Variants in GON4L observed in about 807,000 individuals in gnomAD.
The protein encoded by GON4L is gon-4 like.
GON4L carries 87 observed loss-of-function variants against 211.8 expected under a neutral mutation model. The observed-to-expected ratio is 0.41, with a 90% confidence interval of 0.35 to 0.49. The LOEUF (loss-of-function observed/expected upper bound fraction) is 0.49, where lower values mean the gene tolerates loss of function less well. Ranked by LOEUF, GON4L falls within the 20% of genes least tolerant of loss-of-function variation. The probability of loss-of-function intolerance (pLI) is 0.15; values close to 1 mark genes in which losing one functional copy is unlikely to be tolerated. For synonymous variants in GON4L, 875 were observed against 962.6 expected, an observed-to-expected ratio of 0.91 and a Z score of 1.68; for missense variants, 2,155 against 2,659.5, an observed-to-expected ratio of 0.81 and a Z score of 4.17.
intron 2 of GON4L, among the ~76,000 whole-genome samples, chr1:155,841,452 C>T (rs959705669): frequency 6.6e-5 from 10 of 152,274 alleles, no homozygotes; most frequent in African/African-American, 2.4e-4. Context: ...GCCAAGATTA[C>T]AATAGCTCAA....
At chr1:155,846,494 G>C (rs1376125394) in intron 2 of GON4L, 1 of 140,566 alleles carries the variant, frequency 7.1e-6, no homozygotes, top group Non-Finnish European at 1.5e-5. Flanking sequence ...CTGCACTCCA[G>C]CCTGGGTGAC....
rs757583783 is a variant in GON4L, at chr1:155,773,209, C to A, written c.2352G>T (p.Ala784=). 1 of 1,613,948 alleles carries A rather than the reference C, an allele frequency of 6.2e-7. No homozygotes were observed. Among genetic ancestry groups the A allele is most frequent in the Non-Finnish European group, 8.5e-7 (1 of 1,179,934 alleles). The change falls in exon 18 of 32, where the codon GCG becomes GCT. Residue 784 remains alanine, a splice_region_variant and synonymous_variant. Transcript: ENST00000368331. ...CSPHKTVKKT[A]NEFPCLPKQV... is the part of the protein sequence containing the mutation. ...GCTTTGGCAAACAGGGAAATTCATT[C>A]GCTATAAGAAAATAAATCTCGGATA...
At chr1:155,790,248 A>T (rs1001942069) in intron 12 of GON4L, among the ~76,000 whole-genome samples, 1 of 151,952 alleles carries the variant, frequency 6.6e-6, no homozygotes, top group Non-Finnish European at 1.5e-5. Flanking sequence ...TACAGGCGTG[A>T]GCCACCACAC....
At chr1:155,785,733 G>T (rs368272667) in intron 12 of GON4L, among the ~76,000 whole-genome samples, 51 of 152,168 alleles carry the variant, frequency 3.4e-4, no homozygotes, top group African/African-American at 1.1e-3. Context: ...AGCCCAACTC[G>T]GCCTCCCAAA....
rs199887711 is a variant in GON4L, at chr1:155,856,785, AAAG to A, written c.-27+359_-27+361del. On this transcript the variant is annotated intron_variant, in intron 1 of 31. Transcript: ENST00000368331. Reference sequence around the variant, plus strand: ...GAAAAAAAGAAAAAGAAAGAAAGAAAAAGAAGGAAAGAAAGACAGCTACTTCAG... The same window carrying A: ...GAAAAAAAGAAAAAGAAAGAAAGAAAAAGGAAAGAAAGACAGCTACTTCAG... Among the ~76,000 whole-genome samples, 454 of 151,484 alleles carry A rather than the reference AAAG, an allele frequency of 3.0e-3. 2 individuals carry two copies. The highest frequency in any genetic ancestry group is 0.011 in the African/African-American group (437 of 40,792).
At chr1:155,834,887 C>G (rs964489412) in intron 2 of GON4L, among the ~76,000 whole-genome samples, 3 of 146,508 alleles carry the variant, frequency 2.0e-5, no homozygotes, top group Admixed American at 2.0e-4. Context: ...CCAGCCGCCC[C>G]GTCCGGGAGG....
chr1:155,836,685 A>G (rs1670352179), intron 2 of GON4L, among the ~76,000 whole-genome samples: 1 of 152,214 alleles, frequency 6.6e-6, no homozygotes, highest in Admixed American at 6.5e-5. Context: ...GGTGCCCCAG[A>G]CAGAAGCACA....
At chr1:155,822,262 C>T (rs1668802643) in intron 4 of GON4L, 24 bp downstream of exon 4, 1 of 1,590,442 alleles carries the variant, frequency 6.3e-7, no homozygotes, top group Non-Finnish European at 8.6e-7. Context: ...CTTCCATTTA[C>T]ATAACTGCCC....
chr1:155,780,314 G>A (rs944672427), intron 14 of GON4L, among the ~76,000 whole-genome samples: 2 of 151,988 alleles, frequency 1.3e-5, no homozygotes, highest in Admixed American at 6.6e-5. Flanking sequence ...AGAAACAGTC[G>A]GGCGTGGTGG....
chr1:155,801,112 CAAAAAAAA>C (rs367752032), intron 11 of GON4L, among the ~76,000 whole-genome samples: 1 of 73,634 alleles, frequency 1.4e-5, no homozygotes, highest in Non-Finnish European at 2.4e-5. Context: ...TGCTGCTGCT[CAAAAAAAA>C]AAAAAAAAAA....
At position 155,812,998 on chromosome 1, in the gene GON4L, T is replaced by G. The variant is rs192344663; in HGVS notation, c.1452+636A>C. Among the ~76,000 whole-genome samples the G allele has an allele frequency of 1.1e-3, 160 of 152,300 alleles. 2 individuals carry two copies. The highest frequency in any genetic ancestry group is 6.8e-3 in the Middle Eastern group (2 of 294). ...CTCTAAAATGATTTAGAAAACACTA[T>G]GTGTATATACAGAGAAAGAGGAAGA... On this transcript the variant is annotated intron_variant, in intron 10 of 31. Coordinates refer to ENST00000368331, the MANE Select transcript of GON4L (RefSeq NM_001282860.2).
At chr1:155,756,647 A>G in intron 27 of GON4L, 1 of 272,612 alleles carries the variant, frequency 3.7e-6, no homozygotes, top group Non-Finnish European at 7.1e-6. Context: ...ATTTTAGGCC[A>G]GGCGTAGTGG....
chr1:155,856,764 A>AAAAG (rs1172604563), intron 1 of GON4L, among the ~76,000 whole-genome samples: 1 of 151,732 alleles, frequency 6.6e-6, no homozygotes, highest in East Asian at 1.9e-4. Context: ...AAAGGGGAAA[A>AAAAG]AAAGAAAAAG....
At chr1:155,763,162 T>G in intron 22 of GON4L, 150 bp downstream of exon 22, 2 of 607,122 alleles carry the variant, frequency 3.3e-6, no homozygotes, top group Non-Finnish European at 5.7e-6. Flanking sequence ...ACATTAAACA[T>G]GTTTTGGGGG....
intron 2 of GON4L, among the ~76,000 whole-genome samples, chr1:155,849,143 C>CAAAAA: frequency 8.3e-6 from 1 of 120,086 alleles, no homozygotes; most frequent in Non-Finnish European, 1.7e-5. Flanking sequence ...GACTCCATCT[C>CAAAAA]AAAAAAAAAA....
chr1:155,786,522 T>G, intron 12 of GON4L, among the ~76,000 whole-genome samples: 1 of 151,608 alleles, frequency 6.6e-6, no homozygotes, highest in Non-Finnish European at 1.5e-5. Flanking sequence ...CAGAGCAAGA[T>G]ATTGTCTTAA....
intron 2 of GON4L, among the ~76,000 whole-genome samples, chr1:155,838,964 T>A (rs923576647): frequency 6.6e-6 from 1 of 151,830 alleles, no homozygotes; most frequent in African/African-American, 2.4e-5. Context: ...AAATAAAAAA[T>A]TTTAAAAACT....
chr1:155,833,470 C>G (rs1669982706), intron 2 of GON4L, among the ~76,000 whole-genome samples: 1 of 151,244 alleles, frequency 6.6e-6, no homozygotes, highest in Non-Finnish European at 1.5e-5. Flanking sequence ...TACGGGGAAA[C>G]CCCATCTCTA....
At chr1:155,851,040 G>A (rs1319906023) in intron 2 of GON4L, among the ~76,000 whole-genome samples, 4 of 77,726 alleles carry the variant, frequency 5.1e-5, no homozygotes, top group African/African-American at 1.5e-4. Context: ...GCAACAGAGC[G>A]AGACTCCACC....
Sources: gnomAD v4.1 joint callset for allele counts (sites outside exome capture counted in the v4.1 genomes callset) on GRCh38, gnomAD v4.1.1 for gene constraint, MANE v1.5 for transcripts, NCBI Gene and HGNC (gene_info 2026-07-23, HGNC 2026-07-21) for gene names.